Variants in TBC1D22A observed in about 807,000 individuals in gnomAD.
TBC1D22A encodes TBC1 domain family member 22A, also known as putative GTPase activator.
TBC1D22A carries 38 observed loss-of-function variants against 60.2 expected under a neutral mutation model. That is an observed-to-expected ratio of 0.63 (90% CI 0.49 to 0.83). The LOEUF (loss-of-function observed/expected upper bound fraction) is 0.83. TBC1D22A is among the 40% of genes least tolerant of loss of function. TBC1D22A has a pLI of 0.00. For missense variants in TBC1D22A, 628 were observed against 701.0 expected, an observed-to-expected ratio of 0.90 and a Z score of 1.18; for synonymous variants, 302 against 281.7, an observed-to-expected ratio of 1.07 and a Z score of -0.72.
intron 5 of TBC1D22A, among the ~76,000 whole-genome samples, chr22:46,890,414 A>G (rs1270024132): frequency 6.6e-6 from 1 of 152,152 alleles, no homozygotes; most frequent in Non-Finnish European, 1.5e-5. Context: ...CAGTATAACA[A>G]TTACTTACAT....
intron 12 of TBC1D22A, among the ~76,000 whole-genome samples, chr22:47,160,299 C>G (rs2067926810): frequency 6.6e-6 from 1 of 152,350 alleles, no homozygotes; most frequent in Admixed American, 6.5e-5. Context: ...CAGCAGAGTT[C>G]TCAGGTTCCG....
chr22:46,949,807 G>A (rs1476114534), intron 8 of TBC1D22A, among the ~76,000 whole-genome samples: 1 of 152,202 alleles, frequency 6.6e-6, no homozygotes, highest in Non-Finnish European at 1.5e-5. Context: ...TCACTGAGCC[G>A]GTCAGCAGTG....
Position 47,043,685 on chromosome 22 carries a change from G to C in TBC1D22A, c.1329+6487G>C, listed in dbSNP as rs561375670. Among the ~76,000 whole-genome samples the C allele has an allele frequency of 9.2e-5, 14 of 152,266 alleles. No individual in the cohort carries two copies. In the South Asian group the frequency reaches 2.9e-3, roughly 32 times the overall value. Reference sequence around the variant, plus strand: ...CTGAGTTGCAGCTGAACAGGAGGGTGGAAGGGTGCAAAGAGGGTCCTCCCA... The same window carrying C: ...CTGAGTTGCAGCTGAACAGGAGGGTCGAAGGGTGCAAAGAGGGTCCTCCCA... On this transcript the variant is annotated intron_variant, in intron 11 of 12. Coordinates refer to ENST00000337137, the MANE Select transcript of TBC1D22A (RefSeq NM_014346.5).
At chr22:46,954,238 T>A (rs1348805500) in intron 8 of TBC1D22A, among the ~76,000 whole-genome samples, 1 of 152,240 alleles carries the variant, frequency 6.6e-6, no homozygotes, top group Non-Finnish European at 1.5e-5. Flanking sequence ...TGCGTGACTT[T>A]GAACATGTCC....
chr22:46,768,414 G>A (rs2083364909), intron 1 of TBC1D22A, among the ~76,000 whole-genome samples: 1 of 150,664 alleles, frequency 6.6e-6, no homozygotes, highest in African/African-American at 2.5e-5. Context: ...GAACACAGGA[G>A]GCAGAGGTTG....
intron 6 of TBC1D22A, among the ~76,000 whole-genome samples, chr22:46,892,605 T>C (rs919889296): frequency 5.9e-5 from 9 of 152,250 alleles, no homozygotes; most frequent in Non-Finnish European, 1.5e-5. Flanking sequence ...TAAGGAAATA[T>C]TAGCTTACCT....
intron 12 of TBC1D22A, among the ~76,000 whole-genome samples, chr22:47,165,085 A>C (rs1404682089): frequency 6.6e-6 from 1 of 152,108 alleles, no homozygotes; most frequent in East Asian, 1.9e-4. Context: ...CAGGCATGGC[A>C]GGGCCTTTGT....
intron 8 of TBC1D22A, among the ~76,000 whole-genome samples, chr22:46,917,993 C>T (rs372575406): frequency 2.0e-5 from 3 of 152,302 alleles, no homozygotes; most frequent in Admixed American, 6.5e-5. Context: ...CAGATCCAGA[C>T]GCTGCCCCTG....
chr22:47,066,246 A>C (rs2063769441), intron 11 of TBC1D22A, among the ~76,000 whole-genome samples: 1 of 152,198 alleles, frequency 6.6e-6, no homozygotes, highest in East Asian at 1.9e-4. Context: ...AATTCACACA[A>C]ACAATGGCAA....
chr22:46,971,486 GAAATA>G (rs1205045137), intron 8 of TBC1D22A, among the ~76,000 whole-genome samples: 1 of 152,206 alleles, frequency 6.6e-6, no homozygotes, highest in Non-Finnish European at 1.5e-5. Context: ...CTGAGAAGAG[GAAATA>G]AAATCAGACC....
At chr22:46,906,783 G>A (rs970005871) in intron 7 of TBC1D22A, among the ~76,000 whole-genome samples, 1 of 146,954 alleles carries the variant, frequency 6.8e-6, no homozygotes, top group Non-Finnish European at 1.5e-5. Flanking sequence ...CCTGAACTGT[G>A]TGTGTGTGTG....
intron 3 of TBC1D22A, among the ~76,000 whole-genome samples, chr22:46,796,849 G>A (rs906848498): frequency 6.6e-6 from 1 of 152,172 alleles, no homozygotes; most frequent in Non-Finnish European, 1.5e-5. Flanking sequence ...GTTTCCTTGG[G>A]ATGAGGGTCC....
chr22:47,139,913 C>T (rs1409805153), intron 12 of TBC1D22A, among the ~76,000 whole-genome samples: 1 of 152,246 alleles, frequency 6.6e-6, no homozygotes, highest in African/African-American at 2.4e-5. Flanking sequence ...CATGTGACTG[C>T]TCCTATTACA....
chr22:46,964,084 G>A (rs182272124), intron 8 of TBC1D22A, among the ~76,000 whole-genome samples: 14 of 152,332 alleles, frequency 9.2e-5, no homozygotes, highest in East Asian at 7.7e-4. Context: ...GGCTGCCAGC[G>A]GCGTCTGTTT....
rs3884803 is a variant in TBC1D22A, at chr22:47,060,238, CTTTTTTT to C, written c.1329+23055_1329+23061del. On this transcript the variant is annotated intron_variant, in intron 11 of 12. Transcript: ENST00000337137. ...TGCGGCCCCTGCTAAGGGTTTCTGA[CTTTTTTT>C]TTTTTTTTTTTTTTGAGATGGAGTC... 4.5e-5 allele frequency among the ~76,000 whole-genome samples: 5 copies of C among 111,658 alleles called. No individual in the cohort carries two copies. The East Asian group carries it at 1.1e-3, about 25-fold the overall frequency. The allele number at this position is 111,658 out of a possible 152,430, so 73.3% of individuals were successfully genotyped here. A position where few individuals can be genotyped will look rare whatever the true frequency, so the allele number is the denominator to read the frequency against.
At chr22:47,147,255 C>T (rs545461796) in intron 12 of TBC1D22A, among the ~76,000 whole-genome samples, 1 of 152,246 alleles carries the variant, frequency 6.6e-6, no homozygotes, top group Non-Finnish European at 1.5e-5. Flanking sequence ...TCTGCTTTTG[C>T]TATAATCAGT....
intron 8 of TBC1D22A, chr22:46,914,130 T>C (rs1415370877): frequency 2.0e-5 from 3 of 152,242 alleles, no homozygotes; most frequent in African/African-American, 7.2e-5. Flanking sequence ...AGTCAACTAT[T>C]AAGTGGACAT....
chr22:47,085,437 A>G (rs148731191), intron 11 of TBC1D22A, among the ~76,000 whole-genome samples: 103 of 152,316 alleles, frequency 6.8e-4, no homozygotes, highest in South Asian at 1.2e-3. Flanking sequence ...TTATCCATGC[A>G]GTCTTACAGT....
At chr22:47,108,349 G>A (rs2065715639) in intron 11 of TBC1D22A, among the ~76,000 whole-genome samples, 1 of 152,206 alleles carries the variant, frequency 6.6e-6, no homozygotes, top group South Asian at 2.1e-4. Flanking sequence ...TATCCAAGCA[G>A]TGGGTGCTGC....
Sources: gnomAD v4.1 joint callset for allele counts (sites outside exome capture counted in the v4.1 genomes callset) on GRCh38, gnomAD v4.1.1 for gene constraint, MANE v1.5 for transcripts, NCBI Gene and HGNC (gene_info 2026-07-23, HGNC 2026-07-21) for gene names.